PSMA4: variants seen among roughly 807,000 people sequenced by gnomAD.
PSMA4 encodes proteasome 20S subunit alpha 4, also known as proteasome subunit alpha type-4.
PSMA4 carries 8 observed loss-of-function variants against 37.2 expected under a neutral mutation model. The observed-to-expected ratio is 0.22, with a 90% CI of 0.13 to 0.39. The LOEUF is 0.39. Among genes scored for constraint, PSMA4 ranks in the 10% least tolerant of loss-of-function variants. The pLI is 1.00. For synonymous variants in PSMA4, 93 were observed against 98.8 expected, an observed-to-expected ratio of 0.94 and a Z score of 0.35; for missense variants, 169 against 305.1, an observed-to-expected ratio of 0.55 and a Z score of 3.32.
chr15:78,548,092 C>T (rs981308409), intron 8 of PSMA4, among the ~76,000 whole-genome samples: 4 of 151,966 alleles, frequency 2.6e-5, no homozygotes, highest in Admixed American at 2.6e-4. Context: ...ATTAGCCGGG[C>T]GTGGTGGTGC....
At chr15:78,547,342 CT>C (rs2052571521) in intron 8 of PSMA4, among the ~76,000 whole-genome samples, 1 of 152,152 alleles carries the variant, frequency 6.6e-6, no homozygotes, top group African/African-American at 2.4e-5. Flanking sequence ...TCAATGATAT[CT>C]TTGCTTGTGT....
At chr15:78,544,700 A>G (rs908749954) in intron 5 of PSMA4, 169 bp from the exon 6 acceptor site, 6 of 503,568 alleles carry the variant, frequency 1.2e-5, no homozygotes, top group Middle Eastern at 2.9e-4. Context: ...AACTTACAAA[A>G]TATTATTTAC....
intron 1 of PSMA4, chr15:78,541,385 G>A (rs1379499585): frequency 1.3e-5 from 2 of 158,434 alleles, no homozygotes; most frequent in African/African-American, 4.8e-5. Context: ...TCTTGCCTTG[G>A]CTTTCAAGGC....
rs1183472544 is a variant in PSMA4, at chr15:78,549,630, C to T, written c.*686C>T. On this transcript the variant is annotated 3_prime_UTR_variant, in exon 9 of 9. Coordinates refer to ENST00000044462, the MANE Select transcript of PSMA4 (RefSeq NM_002789.6). ...TGGTACTTAATGCGTAGCCATGGTG[C>T]TTTAGCATCACCTATGCAGATTCTG... 1.3e-5 allele frequency: 2 copies of T among 152,234 alleles called. No homozygotes were observed. Among genetic ancestry groups the T allele is most frequent in the Non-Finnish European group, 2.9e-5 (2 of 68,046 alleles). 9.4% of individuals were successfully genotyped at this position (152,234 alleles called of 1,614,324 possible). A position where few individuals can be genotyped will look rare whatever the true frequency, so the allele number is the denominator to read the frequency against.
At chr15:78,544,130 T>C in intron 4 of PSMA4, 60 bp from the exon 5 acceptor site, 1 of 1,295,188 alleles carries the variant, frequency 7.7e-7, no homozygotes, top group South Asian at 1.3e-5. Flanking sequence ...TTTAAATACT[T>C]ATAAACACTC....
At chr15:78,547,400 G>A (rs2052572517) in intron 8 of PSMA4, among the ~76,000 whole-genome samples, 1 of 152,178 alleles carries the variant, frequency 6.6e-6, no homozygotes, top group South Asian at 2.1e-4. Context: ...TTATACATAG[G>A]TTTGGTATAC....
chr15:78,543,898 C>T, intron 4 of PSMA4: 1 of 265,498 alleles, frequency 3.8e-6, no homozygotes, highest in Non-Finnish European at 7.1e-6. Context: ...GCTGAATCTT[C>T]TTGAGATTAC....
At chr15:78,544,018 T>C in intron 4 of PSMA4, 172 bp from the exon 5 acceptor site, 1 of 544,604 alleles carries the variant, frequency 1.8e-6, no homozygotes, top group Admixed American at 3.3e-5. Context: ...TTGAGTGACA[T>C]CGAGTAAACA....
At chr15:78,545,287 T>G (rs1047747200) in intron 6 of PSMA4, among the ~76,000 whole-genome samples, 2 of 152,210 alleles carry the variant, frequency 1.3e-5, no homozygotes, top group African/African-American at 4.8e-5. Context: ...TCATACATTC[T>G]TGCTTCATGA....
In PSMA4 at chr15:78,546,716, C is replaced by CT. The variant is rs2052559599; in HGVS notation, c.631+21dup. ...TGAAAAAGGTAATTCATATCCTCTC[C>CT]TTTAATTCTTTCGACTGAGTGAGGG... On this transcript the variant is annotated intron_variant, in intron 8 of 8. Coordinates refer to ENST00000044462, the MANE Select transcript of PSMA4 (RefSeq NM_002789.6). The CT allele has an allele frequency of 6.3e-7, 1 of 1,583,214 alleles. No individual in the cohort carries two copies. The highest frequency in any genetic ancestry group is 1.4e-5 in the African/African-American group (1 of 72,550).
In PSMA4 at chr15:78,546,669, T is replaced by C; in HGVS notation, c.602T>C (p.Met201Thr). Residue 201 changes from methionine (M) to threonine (T), a missense_variant, in exon 8 of 9, where the codon ATG becomes ACG. Transcript: ENST00000044462. ...ALAIKVLNKT[M>T]DVSKLSAEKV... Reference sequence around the variant, plus strand: ...GCTATCAAAGTACTAAATAAGACCATGGATGTTAGTAAACTCTCTGCTGAA... The same window carrying C: ...GCTATCAAAGTACTAAATAAGACCACGGATGTTAGTAAACTCTCTGCTGAA... 6.2e-7 allele frequency: 1 copy of C among 1,602,058 alleles called. No homozygotes were observed. The highest frequency in any genetic ancestry group is 8.5e-7 in the Non-Finnish European group (1 of 1,176,632).
In PSMA4 at chr15:78,544,880, A is replaced by G; in HGVS notation, c.299A>G (p.Gln100Arg). 1 of 1,604,244 alleles carries G rather than the reference A, an allele frequency of 6.2e-7. No individual in the cohort carries two copies. The highest frequency in any genetic ancestry group is 8.5e-7 in the Non-Finnish European group (1 of 1,171,482). Residue 100 changes from glutamine (Q) to arginine (R), a missense_variant, in exon 6 of 9, where the codon CAG (glutamine) becomes CGG (arginine). By Grantham distance (43) the Gln-to-Arg change is conservative. Coordinates refer to ENST00000044462, the MANE Select transcript of PSMA4 (RefSeq NM_002789.6). ...LRLIAQRYLLQYQEPIPCEQL... is the reference protein window; with the variant it reads ...LRLIAQRYLLRYQEPIPCEQL... ...TCTCTTTATCCTAGGTATTTATTAC[A>G]GTATCAGGAGCCAATACCTTGTGAG...
At position 78,546,163 on chromosome 15, in the gene PSMA4, G is replaced by GC. The variant is rs2052548519; in HGVS notation, c.507+401dup. On this transcript the variant is annotated intron_variant, in intron 7 of 8. Coordinates refer to ENST00000044462, the MANE Select transcript of PSMA4 (RefSeq NM_002789.6). ...CCTGTCATCAAAATTATGTATATGG[G>GC]CCAGGCATGGTGGCTCATGCCTGTA... Among the ~76,000 whole-genome samples, 4 of 152,208 alleles carry GC rather than the reference G, an allele frequency of 2.6e-5. No homozygotes were observed. In the South Asian group the frequency reaches 8.3e-4, roughly 32 times the overall value.
In PSMA4 at chr15:78,549,018, G is replaced by A; in HGVS notation, c.*74G>A. ...AGTCCTACTCTTCCACACTAGGAAG[G>A]CTTTACTTTTTTTAACTGGTGCAGT... On this transcript the variant is annotated 3_prime_UTR_variant, in exon 9 of 9. Transcript: ENST00000044462. The A allele has an allele frequency of 4.0e-6, 6 of 1,491,524 alleles. No individual in the cohort carries two copies. The South Asian group carries it at 8.8e-5, about 22-fold the overall frequency. The allele number at this position is 1,491,524 out of a possible 1,614,324, so 92.4% of individuals were successfully genotyped here.
chr15:78,547,064 C>A (rs1015276592), intron 8 of PSMA4, among the ~76,000 whole-genome samples: 1 of 152,206 alleles, frequency 6.6e-6, no homozygotes, highest in African/African-American at 2.4e-5. Context: ...TTGCGCCCAG[C>A]CAGCAACTGT....
At chr15:78,548,743 A>ATGCC (rs770809454) in intron 8 of PSMA4, 47 bp from the exon 9 acceptor site, 2 of 1,577,976 alleles carry the variant, frequency 1.3e-6, no homozygotes, top group Non-Finnish European at 1.7e-6. Context: ...TCTGCTAAGT[A>ATGCC]TGCCTGCCTG....
rs771199244 is a variant in PSMA4, at chr15:78,546,728, C to T, written c.631+30C>T. On this transcript the variant is annotated intron_variant, in intron 8 of 8. Transcript: ENST00000044462. ...TTCATATCCTCTCCTTTAATTCTTT[C>T]GACTGAGTGAGGGAAATTAGCAGCT... 37 of 1,568,226 alleles carry T rather than the reference C, an allele frequency of 2.4e-5. No individual in the cohort carries two copies. The South Asian group carries it at 4.1e-4, about 17-fold the overall frequency.
Position 78,550,664 on chromosome 15 carries a change from T to C in PSMA4, c.*1720T>C, listed in dbSNP as rs1032110757. The stretch of plus-strand genomic sequence containing the variant: ...ACTTCAGCACTATACCTGGGTGCCA[T>C]TTGAAATAGTAAAATCACTAAGAAA... On this transcript the variant is annotated 3_prime_UTR_variant, in exon 9 of 9. Transcript: ENST00000044462. The C allele has an allele frequency of 1.3e-5, 2 of 152,092 alleles. No homozygotes were observed. The highest frequency in any genetic ancestry group is 4.8e-5 in the African/African-American group (2 of 41,410). 9.4% of individuals were successfully genotyped at this position (152,092 alleles called of 1,614,324 possible).
intron 5 of PSMA4, 117 bp from the exon 6 acceptor site, chr15:78,544,752 A>G: frequency 1.7e-6 from 1 of 592,124 alleles, no homozygotes; most frequent in Non-Finnish European, 3.0e-6. Context: ...TCCCCTTCAA[A>G]TTACAAATGA....
Sources: gnomAD v4.1 joint callset for allele counts (sites outside exome capture counted in the v4.1 genomes callset) on GRCh38, gnomAD v4.1.1 for gene constraint, MANE v1.5 for transcripts, NCBI Gene and HGNC (gene_info 2026-07-23, HGNC 2026-07-21) for gene names.